WWOX: variants seen among roughly 807,000 people sequenced by gnomAD.
WWOX encodes WW domain-containing oxidoreductase.
Under a neutral mutation model 46.2 loss-of-function variants are expected in WWOX, and 69 were observed. The observed-to-expected ratio is 1.49, with a 90% CI of 1.23 to 1.82. The LOEUF is 1.82. WWOX is among the 40% of genes most tolerant of loss of function. WWOX has a pLI of 0.00. For synonymous variants in WWOX, 359 were observed against 202.6 expected (o/e 1.77, Z -6.56); for missense variants, 919 against 542.6 (o/e 1.69, Z -6.89).
chr16:78,650,875 C>T (rs1223056369), intron 8 of WWOX, among the ~76,000 whole-genome samples: 1 of 152,166 alleles, frequency 6.6e-6, no homozygotes, highest in Non-Finnish European at 1.5e-5. Flanking sequence ...TATATTATTG[C>T]TTACTTGGCA....
intron 8 of WWOX, among the ~76,000 whole-genome samples, chr16:78,948,008 G>A (rs2045981849): frequency 6.6e-6 from 1 of 152,208 alleles, no homozygotes; most frequent in Admixed American, 6.5e-5. Context: ...GCAGAGGGAG[G>A]AAGGGTGGGA....
At chr16:78,825,888 C>T (rs987922854) in intron 8 of WWOX, 2 of 689,522 alleles carry the variant, frequency 2.9e-6, no homozygotes, top group African/African-American at 1.8e-5. Context: ...AAGCCTCTGC[C>T]TGACCACGTG....
At chr16:78,330,092 G>A (rs766513435) in intron 5 of WWOX, among the ~76,000 whole-genome samples, 1 of 152,062 alleles carries the variant, frequency 6.6e-6, no homozygotes, top group Non-Finnish European at 1.5e-5. Context: ...GCTATAGATG[G>A]TTGTCCTTAA....
intron 4 of WWOX, among the ~76,000 whole-genome samples, chr16:78,118,675 A>C (rs1278938636): frequency 6.6e-6 from 1 of 151,986 alleles, no homozygotes; most frequent in Non-Finnish European, 1.5e-5. Context: ...GTAAATATTT[A>C]CTCTTTGGCC....
At chr16:78,668,502 G>T (rs1176983358) in intron 8 of WWOX, among the ~76,000 whole-genome samples, 2 of 152,126 alleles carry the variant, frequency 1.3e-5, no homozygotes, top group Non-Finnish European at 2.9e-5. Context: ...TAGGCCCTGG[G>T]AACAGTTGAG....
chr16:78,974,454 A>G (rs931814433), intron 8 of WWOX, among the ~76,000 whole-genome samples: 3 of 152,220 alleles, frequency 2.0e-5, no homozygotes, highest in African/African-American at 7.2e-5. Context: ...CAAGTTCCAC[A>G]ACAAAATGGG....
chr16:78,488,865 C>T (rs1257680111), intron 8 of WWOX, among the ~76,000 whole-genome samples: 1 of 152,158 alleles, frequency 6.6e-6, no homozygotes, highest in Non-Finnish European at 1.5e-5. Flanking sequence ...GCCTGTTTCT[C>T]AGAGTAGGCT....
intron 5 of WWOX, among the ~76,000 whole-genome samples, chr16:78,340,104 G>C (rs1298381219): frequency 9.6e-6 from 1 of 104,398 alleles, no homozygotes. Flanking sequence ...TTAACTCTCT[G>C]ATGTTAATGA....
At position 78,844,791 on chromosome 16, in the gene WWOX, C is replaced by T. The variant is rs143659864; in HGVS notation, c.1057-366817C>T. On this transcript the variant is annotated intron_variant, in intron 8 of 8. Transcript: ENST00000566780. The stretch of plus-strand genomic sequence containing the variant: ...TTAGTCTTGTATATTTATGTATCCC[C>T]GGCCAGAGTTGGCTGGGGCACAGTC... Among the ~76,000 whole-genome samples, 246 of 152,298 alleles carry T rather than the reference C, an allele frequency of 1.6e-3. 1 individual carries two copies. The East Asian group carries it at 0.022, about 14-fold the overall frequency.
At chr16:79,039,558 G>A (rs555427272) in intron 8 of WWOX, among the ~76,000 whole-genome samples, 2 of 152,192 alleles carry the variant, frequency 1.3e-5, no homozygotes, top group African/African-American at 2.4e-5. Context: ...GTCCATGGTC[G>A]AGGTGTCCAT....
intron 8 of WWOX, among the ~76,000 whole-genome samples, chr16:78,963,466 T>G (rs2046309396): frequency 6.6e-6 from 1 of 152,122 alleles, no homozygotes; most frequent in African/African-American, 2.4e-5. Flanking sequence ...ATACCCCGTC[T>G]CAGAAACAAA....
chr16:78,826,296 A>G (rs1053966761), intron 8 of WWOX, among the ~76,000 whole-genome samples: 1 of 152,218 alleles, frequency 6.6e-6, no homozygotes, highest in African/African-American at 2.4e-5. Context: ...CAGTGAGCCA[A>G]GATCGTGCCA....
intron 8 of WWOX, among the ~76,000 whole-genome samples, chr16:78,654,655 C>G (rs1239209526): frequency 6.6e-6 from 1 of 152,004 alleles, no homozygotes; most frequent in Non-Finnish European, 1.5e-5. Context: ...CTCTCTCTCT[C>G]TCTGTGTGTA....
At chr16:78,356,542 C>T (rs1045409005) in intron 5 of WWOX, among the ~76,000 whole-genome samples, 4 of 152,062 alleles carry the variant, frequency 2.6e-5, no homozygotes, top group African/African-American at 9.7e-5. Context: ...GAGGTAGGTG[C>T]AGGGCAGTGG....
At chr16:79,105,126 G>A (rs1204632949) in intron 8 of WWOX, among the ~76,000 whole-genome samples, 2 of 152,164 alleles carry the variant, frequency 1.3e-5, no homozygotes, top group Non-Finnish European at 2.9e-5. Flanking sequence ...GTCTTTGGGT[G>A]GGTCCTGTAG....
intron 8 of WWOX, among the ~76,000 whole-genome samples, chr16:79,092,163 C>G (rs1597367958): frequency 1.3e-5 from 2 of 152,098 alleles, no homozygotes; most frequent in South Asian, 2.1e-4. Flanking sequence ...TGCCTGTGTG[C>G]AAGAGAAGGC....
chr16:78,173,477 A>G (rs537674430), intron 5 of WWOX, among the ~76,000 whole-genome samples: 1 of 137,888 alleles, frequency 7.3e-6, no homozygotes, highest in Non-Finnish European at 1.6e-5. Flanking sequence ...TTTTTTTTTA[A>G]TGTAGAGGAA....
intron 8 of WWOX, among the ~76,000 whole-genome samples, chr16:78,685,959 G>A (rs982020701): frequency 1.3e-5 from 2 of 151,838 alleles, no homozygotes; most frequent in African/African-American, 2.4e-5. Flanking sequence ...ATGGACCCAC[G>A]GGGAATGGGA....
chr16:78,820,793 G>C (rs913654266), intron 8 of WWOX, among the ~76,000 whole-genome samples: 3 of 152,112 alleles, frequency 2.0e-5, no homozygotes, highest in Admixed American at 6.5e-5. Flanking sequence ...TGTGGGGTTC[G>C]TTCCTTCTGG....
Sources: gnomAD v4.1 joint callset for allele counts (sites outside exome capture counted in the v4.1 genomes callset) on GRCh38, gnomAD v4.1.1 for gene constraint, MANE v1.5 for transcripts, NCBI Gene and HGNC (gene_info 2026-07-23, HGNC 2026-07-21) for gene names.